The following SYNPR variants were observed in gnomAD, a reference collection of about 807,000 sequenced individuals.
The protein encoded by SYNPR is synaptoporin.
A neutral mutation model predicts 32.9 loss-of-function variants in SYNPR; 23 were observed. The observed-to-expected ratio is 0.70, with a 90% CI of 0.50 to 0.99. SYNPR has a LOEUF of 0.99. Among genes scored for constraint, SYNPR ranks in the 50% least tolerant of loss-of-function variants. The probability of loss-of-function intolerance (pLI) is 0.00; values close to 1 mark genes in which losing one functional copy is unlikely to be tolerated. For missense variants in SYNPR, 318 were observed against 349.3 expected, an observed-to-expected ratio of 0.91 and a Z score of 0.71; for synonymous variants, 146 against 135.9, an observed-to-expected ratio of 1.07 and a Z score of -0.52.
intron 2 of SYNPR, 140 bp from the exon 3 acceptor site, chr3:63,480,692 C>T (rs536511422): frequency 7.1e-6 from 8 of 1,121,392 alleles, no homozygotes; most frequent in Non-Finnish European, 8.8e-6. Flanking sequence ...CCTTCATCTT[C>T]CAGCTGAACC....
intron 2 of SYNPR, among the ~76,000 whole-genome samples, chr3:63,377,301 TTC>T (rs2087907100): frequency 6.6e-6 from 1 of 152,148 alleles, no homozygotes; most frequent in Non-Finnish European, 1.5e-5. Flanking sequence ...TAGCCAGTGG[TTC>T]TCCAGGCTCT....
chr3:63,306,433 G>T (rs1448630413), intron 2 of SYNPR, among the ~76,000 whole-genome samples: 2 of 151,854 alleles, frequency 1.3e-5, no homozygotes, highest in East Asian at 1.9e-4. Context: ...AAGGCAGGTG[G>T]CTTCTTTTCT....
At chr3:63,595,681 A>C in intron 4 of SYNPR, among the ~76,000 whole-genome samples, 1 of 127,690 alleles carries the variant, frequency 7.8e-6, no homozygotes, top group Non-Finnish European at 1.6e-5. Context: ...AGTGTGTGAT[A>C]AGTGCCTGAT....
chr3:63,212,542 CT>C, the SYNPR span, among the ~76,000 whole-genome samples: 1 of 27,940 alleles, frequency 3.6e-5, no homozygotes, highest in Non-Finnish European at 7.4e-5. Context: ...CCTTCGCCCA[CT>C]TTTTGATGGG....
intron 2 of SYNPR, among the ~76,000 whole-genome samples, chr3:63,382,088 T>C (rs1242920177): frequency 6.6e-6 from 1 of 152,206 alleles, no homozygotes; most frequent in African/African-American, 2.4e-5. Context: ...ATTTTCACCA[T>C]CAAACATAAT....
At chr3:63,223,536 G>A (rs535503243), upstream of SYNPR, among the ~76,000 whole-genome samples, 18 of 152,034 alleles carry the variant, frequency 1.2e-4, no homozygotes, top group South Asian at 4.2e-4. Flanking sequence ...ACAGACTATC[G>A]CCATGGTTTT....
upstream of SYNPR, among the ~76,000 whole-genome samples, chr3:63,276,901 A>AC (rs75226584): frequency 4.4e-3 from 570 of 130,708 alleles, 2 homozygotes; most frequent in African/African-American, 0.014. Context: ...TCAAATACCC[A>AC]CCCCCCCCAC....
intron 2 of SYNPR, among the ~76,000 whole-genome samples, chr3:63,441,401 C>T (rs1031608259): frequency 6.6e-6 from 1 of 152,204 alleles, no homozygotes; most frequent in Non-Finnish European, 1.5e-5. Flanking sequence ...TGGTTCTACC[C>T]TACAGGTGCA....
chr3:63,509,490 T>C (rs1278481207), intron 3 of SYNPR, among the ~76,000 whole-genome samples: 3 of 152,010 alleles, frequency 2.0e-5, no homozygotes, highest in Non-Finnish European at 4.4e-5. Context: ...TTTTACCAGT[T>C]TCTTTGCACA....
chr3:63,272,552 G>C (rs1457833446), intron 3 of SYNPR, among the ~76,000 whole-genome samples: 2 of 139,274 alleles, frequency 1.4e-5, no homozygotes, highest in Non-Finnish European at 3.1e-5. Context: ...ATTGTCCCTT[G>C]TGGTCTTAAA....
At chr3:63,305,374 G>A (rs954215991) in intron 2 of SYNPR, among the ~76,000 whole-genome samples, 5 of 152,020 alleles carry the variant, frequency 3.3e-5, no homozygotes, top group African/African-American at 1.2e-4. Flanking sequence ...GTTTTAAGCA[G>A]CTAATTTTTG....
intron 2 of SYNPR, among the ~76,000 whole-genome samples, chr3:63,471,406 C>T (rs1365377169): frequency 6.6e-6 from 1 of 152,158 alleles, no homozygotes; most frequent in Non-Finnish European, 1.5e-5. Context: ...TTCACAAAAG[C>T]CTTCTGGGTC....
chr3:63,227,321 C>G (rs1018123188), upstream of SYNPR, among the ~76,000 whole-genome samples: 13 of 152,274 alleles, frequency 8.5e-5, no homozygotes, highest in South Asian at 4.1e-4. Flanking sequence ...TTCCCAGAAT[C>G]TGGGAAAATA....
chr3:63,337,687 A>G (rs186194539), intron 2 of SYNPR, among the ~76,000 whole-genome samples: 234 of 152,358 alleles, frequency 1.5e-3, no homozygotes, highest in Middle Eastern at 0.01. Flanking sequence ...GCAATAAAAA[A>G]CAAATATCAA....
chr3:63,413,193 C>T (rs1289058229), intron 2 of SYNPR, among the ~76,000 whole-genome samples: 1 of 152,088 alleles, frequency 6.6e-6, no homozygotes, highest in African/African-American at 2.4e-5. Context: ...ACCATTTTTC[C>T]ATCACGAAGC....
chr3:63,449,009 G>T (rs953367884), intron 2 of SYNPR, among the ~76,000 whole-genome samples: 1 of 152,152 alleles, frequency 6.6e-6, no homozygotes, highest in African/African-American at 2.4e-5. Flanking sequence ...AGCTGGAAAA[G>T]ATTTTGTAGT....
intron 4 of SYNPR, among the ~76,000 whole-genome samples, chr3:63,572,198 C>G (rs185192680): frequency 6.6e-6 from 1 of 152,250 alleles, no homozygotes; most frequent in African/African-American, 2.4e-5. Flanking sequence ...CTAATTGAGT[C>G]TTGCTACCTA....
chr3:63,615,623 C>A lies in SYNPR; in HGVS notation c.*142C>A, dbSNP rs2106912834. On this transcript the variant is annotated 3_prime_UTR_variant, in exon 6 of 6. Coordinates refer to ENST00000478300, the MANE Select transcript of SYNPR (RefSeq NM_001130003.2). ...AGCTCTCTAGTCTTCATTAAGGCAG[C>A]AAGTCCTGGGTTGTGAAAAATGATA... The A allele has an allele frequency of 1.7e-6, 2 of 1,163,356 alleles. No individual in the cohort carries two copies. The highest frequency in any genetic ancestry group is 2.4e-6 in the Non-Finnish European group (2 of 844,292). The allele number at this position is 1,163,356 out of a possible 1,614,324, so 72.1% of individuals were successfully genotyped here.
At chr3:63,614,394 C>T (rs1350472203) in intron 5 of SYNPR, among the ~76,000 whole-genome samples, 2 of 152,170 alleles carry the variant, frequency 1.3e-5, no homozygotes, top group African/African-American at 4.8e-5. Context: ...AAACCTGAGG[C>T]CCTGGGGAGG....
Sources: allele counts gnomAD v4.1 joint callset (sites outside exome capture counted in the v4.1 genomes callset), GRCh38; gene constraint gnomAD v4.1.1; transcripts MANE v1.5; gene names NCBI Gene and HGNC (gene_info 2026-07-23, HGNC 2026-07-21).